HCFC1: variants seen among roughly 807,000 people sequenced by gnomAD.
The protein encoded by HCFC1 is host cell factor C1.
Under a neutral mutation model 105.5 loss-of-function variants are expected in HCFC1, and 7 were observed. The ratio of observed to expected loss-of-function variants is 0.07; its 90% CI spans 0.04 to 0.12. The LOEUF (loss-of-function observed/expected upper bound fraction) is 0.12. HCFC1 is among the 10% of genes least tolerant of loss of function. The pLI is 1.00. For missense variants in HCFC1, 1,065 were observed against 1,823.6 expected (o/e 0.58, Z 7.58); for synonymous variants, 918 against 828.1 (o/e 1.11, Z -1.86).
At chrX:153,969,819 T>C (rs1411643621) in intron 1 of HCFC1, 2 of 112,830 alleles carry the variant, frequency 1.8e-5, no homozygotes, top group African/African-American at 6.4e-5. Context: ...ACCCCCTGGA[T>C]CCGCAGAAGC....
In HCFC1 at chrX:153,960,428, G is replaced by A; in HGVS notation, c.905-14C>T. ...AGGCCATGGTATCTGGGGGAGGGCA[G>A]ACAAGGGAGGTCAGCAAGGAGGATG... On this transcript the variant is annotated splice_polypyrimidine_tract_variant and intron_variant, in intron 6 of 25. Transcript: ENST00000310441. The A allele has an allele frequency of 8.6e-7, 1 of 1,160,831 alleles. No homozygotes were observed. The highest frequency in any genetic ancestry group is 1.2e-6 in the Non-Finnish European group (1 of 863,379).
Position 153,963,352 on chromosome X carries a change from G to C in HCFC1, c.585C>G (p.Val195=), listed in dbSNP as rs372958580. 6.6e-6 allele frequency: 8 copies of C among 1,205,357 alleles called. No individual in the cohort carries two copies. The African/African-American group carries it at 1.4e-4, about 21-fold the overall frequency. Residue 195 remains valine, a synonymous_variant, in exon 4 of 26, where the codon GTC becomes GTG. Transcript: ENST00000310441. The part of the protein sequence containing the change: ...VAWDIPITYG[V]LPPPRESHTA... ...TATGTGACTCCCGGGGTGGTGGTAG[G>C]ACCCCGTAAGTGATGGGAATGTCCC...
At chrX:153,964,547 G>C in intron 2 of HCFC1, 31 bp downstream of exon 2, 2 of 1,174,970 alleles carry the variant, frequency 1.7e-6, no homozygotes, top group East Asian at 3.0e-5. Flanking sequence ...TGGGGCCAAG[G>C]AGGCAGAGTG....
chrX:153,966,559 G>A (rs782349744), intron 1 of HCFC1, among the ~76,000 whole-genome samples: 83 of 112,689 alleles, frequency 7.4e-4, no homozygotes, highest in Non-Finnish European at 1.0e-3. Flanking sequence ...CTGGAGAGCC[G>A]TCCTGACCAA....
chrX:153,961,392 G>A, intron 6 of HCFC1, 150 bp downstream of exon 6: 1 of 436,379 alleles, frequency 2.3e-6, no homozygotes, highest in Non-Finnish European at 4.0e-6. Flanking sequence ...CATTGCTTCA[G>A]AGAGCTCTGC....
At chrX:153,960,511 A>C in intron 6 of HCFC1, 97 bp from the exon 7 acceptor site, 1 of 562,135 alleles carries the variant, frequency 1.8e-6, no homozygotes, top group Non-Finnish European at 2.7e-6. Context: ...GATGGGAATT[A>C]AAATCAAGAA....
In HCFC1 at chrX:153,958,241, G is replaced by A. The variant is rs373900604; in HGVS notation, c.1812C>T (p.Asn604=). The change falls in exon 11 of 26, where the codon AAC becomes AAT. Residue 604 remains asparagine, a synonymous_variant. Coordinates refer to ENST00000310441, the MANE Select transcript of HCFC1 (RefSeq NM_005334.3). ...KVASSPVMVS[N]PATRMLKTAA... ...CAGTCTTCAGCATGCGAGTGGCAGGGTTGCTCACCTGGAGGAGGCAGAGAC... is the reference window on the plus strand; with the variant it reads ...CAGTCTTCAGCATGCGAGTGGCAGGATTGCTCACCTGGAGGAGGCAGAGAC... The A allele has an allele frequency of 3.4e-5, 41 of 1,205,410 alleles. No individual in the cohort carries two copies. In the African/African-American group the frequency reaches 5.2e-4, roughly 15 times the overall value.
Position 153,955,408 on chromosome X carries a change from G to A in HCFC1, c.2991C>T (p.Ala997=), listed in dbSNP as rs782804114. 4.0e-5 allele frequency: 49 copies of A among 1,209,947 alleles called. No homozygotes were observed. Among genetic ancestry groups the A allele is most frequent in the South Asian group, 1.2e-4 (7 of 56,756 alleles). Residue 997 remains alanine (A), a synonymous_variant, in exon 17 of 26, where the codon GCC becomes GCT. Coordinates refer to ENST00000310441, the MANE Select transcript of HCFC1 (RefSeq NM_005334.3). ...TEQPTATVTI[A]DSGQGDVQPG... ...GCTGCACATCACCCTGGCCTGAGTC[G>A]GCGATGGTAACTGTGGCGGTGGGCT... is the stretch of plus-strand genomic sequence containing the variant.
rs782259950 is a variant in HCFC1 at position 153,956,727 on chromosome X, T to C, written c.2533A>G (p.Ile845Val). The change falls in exon 15 of 26, where the codon ATC becomes GTC. Residue 845 changes from isoleucine to valine, a missense_variant. Ile to Val is a conservative substitution (Grantham distance 29). Coordinates refer to ENST00000310441, the MANE Select transcript of HCFC1 (RefSeq NM_005334.3). ...LKGAPGQPGT[I>V]LRTVPMGGVR... ...CCCCCCATGGGCACAGTGCGGAGGATGGTGCCTGGCTGTCCCGGGGCCCCC... is the reference window on the plus strand; with the variant it reads ...CCCCCCATGGGCACAGTGCGGAGGACGGTGCCTGGCTGTCCCGGGGCCCCC... 8.3e-7 allele frequency: 1 copy of C among 1,211,108 alleles called. No homozygotes were observed.
Position 153,963,228 on chromosome X carries a change from T to A in HCFC1, c.709A>T (p.Ile237Phe). ...CRLGDLWTLDIDTLTWNKPSL... is the reference protein window; with the variant it reads ...CRLGDLWTLDFDTLTWNKPSL... ...GGGGTGCTACCACCCTGCTCACCAA[T>A]ATCTAGGGTCCACAGGTCCCCCAGC... Residue 237 changes from isoleucine (I) to phenylalanine (F), a missense_variant, in exon 4 of 26, where the codon ATT becomes TTT. By Grantham distance (21) the Ile-to-Phe change is conservative (BLOSUM62 0). Around this residue, in one of 17 missense-constraint regions of HCFC1, gnomAD observed 13 missense variants for 16.0 expected, o/e 0.81. Transcript: ENST00000310441. 8.3e-7 allele frequency: 1 copy of A among 1,203,045 alleles called. No individual in the cohort carries two copies. Among genetic ancestry groups the A allele is most frequent in the Non-Finnish European group, 1.1e-6 (1 of 889,132 alleles).
At chrX:153,963,056 G>A (rs903709559) in intron 4 of HCFC1, among the ~76,000 whole-genome samples, 169 bp downstream of exon 4, 4 of 112,131 alleles carry the variant, frequency 3.6e-5, no homozygotes, top group Admixed American at 2.8e-4. Context: ...ACCTAGGGAC[G>A]ATCCAGGGTT....
rs1557113900 is a variant in HCFC1 at position 153,954,548 on chromosome X, GTGGCCGA to G, written c.3844_3850del (p.Ser1282ProfsTer2). 1 of 1,210,168 alleles carries G rather than the reference GTGGCCGA, an allele frequency of 8.3e-7. No individual in the cohort carries two copies. Among genetic ancestry groups the G allele is most frequent in the East Asian group, 3.0e-5 (1 of 33,717 alleles). On this transcript the variant is annotated frameshift_variant, in exon 17 of 26. Coordinates refer to ENST00000310441, the MANE Select transcript of HCFC1 (RefSeq NM_005334.3). LOFTEE classifies it high-confidence loss of function. ...TGGGTTGGAGCAGACTTGGGTCACG[GTGGCCGA>G]GGGGCACAGCAGTGCCTCCAGGGCT...
intron 17 of HCFC1, 73 bp from the exon 18 acceptor site, chrX:153,953,843 C>G: frequency 9.5e-7 from 1 of 1,052,114 alleles, no homozygotes; most frequent in Admixed American, 2.7e-5. Flanking sequence ...CCACCACAGG[C>G]TTCCTCTACC....
intron 4 of HCFC1, among the ~76,000 whole-genome samples, chrX:153,962,587 G>A (rs1233230963): frequency 8.9e-6 from 1 of 112,273 alleles, no homozygotes; most frequent in Non-Finnish European, 1.9e-5. Flanking sequence ...GGAGTGGTGG[G>A]CACACCCCGA....
Position 153,971,359 on chromosome X carries a change from C to T in HCFC1, c.-519G>A, listed in dbSNP as rs2065532014. 3.4e-6 allele frequency: 1 copy of T among 297,739 alleles called. No individual in the cohort carries two copies. The highest frequency in any genetic ancestry group is 4.7e-5 in the East Asian group (1 of 21,059). The allele number at this position is 297,739 out of a possible 1,213,427, so 24.5% of individuals were successfully genotyped here. ...GGCGCTCAGACCACAATTGTGGGAG[C>T]CGCCATCTTGAGACCGTCCCGCTTC... On this transcript the variant is annotated 5_prime_UTR_variant, in exon 1 of 26. Transcript: ENST00000310441.
In HCFC1 at chrX:153,954,788, C is replaced by T. The variant is rs782325660; in HGVS notation, c.3611G>A (p.Arg1204His). The change falls in exon 17 of 26, where the codon CGC becomes CAC. Residue 1204 changes from arginine to histidine, a missense_variant. By Grantham distance (29) the Arg-to-His change is conservative. Coordinates refer to ENST00000310441, the MANE Select transcript of HCFC1 (RefSeq NM_005334.3). The part of the protein sequence containing the change: ...GPSMAREPGG[R>H]SPAFVQLAPL... ...GGCCAACTGCACAAAAGCAGGGCTG[C>T]GGCCCCCGGGCTCCCGTGCCATGCT... The T allele has an allele frequency of 1.5e-5, 17 of 1,164,691 alleles. No homozygotes were observed. Among genetic ancestry groups the T allele is most frequent in the Admixed American group, 5.1e-5 (2 of 38,836 alleles).
rs199659358 is a variant in HCFC1 at position 153,948,491 on chromosome X, A to AAAAAC, written c.*851_*855dup. Reference sequence around the variant, plus strand: ...GCCAAGAAGAAAAAAGTAAAAAAACAAAAACAAAACAAAACAAAACAAAAA... The same window carrying AAAAAC: ...GCCAAGAAGAAAAAAGTAAAAAAACAAAAACAAAACAAAACAAAACAAAACAAAAA... On this transcript the variant is annotated 3_prime_UTR_variant, in exon 26 of 26. Transcript: ENST00000310441. 3 of 112,674 alleles carry AAAAAC rather than the reference A, an allele frequency of 2.7e-5. No homozygotes were observed. The highest frequency in any genetic ancestry group is 6.5e-5 in the African/African-American group (2 of 30,868). 9.3% of individuals were successfully genotyped at this position (112,674 alleles called of 1,213,427 possible).
Position 153,951,580 on chromosome X carries a change from C to A in HCFC1, c.5379+9G>T. 1 of 1,208,138 alleles carries A rather than the reference C, an allele frequency of 8.3e-7. No individual in the cohort carries two copies. The highest frequency in any genetic ancestry group is 1.1e-6 in the Non-Finnish European group (1 of 892,503). Reference sequence around the variant, plus strand: ...CACGGACTCAGGAGCCCCAACACACCCGACTCACCACACCCAGGGACTCGA... The same window carrying A: ...CACGGACTCAGGAGCCCCAACACACACGACTCACCACACCCAGGGACTCGA... On this transcript the variant is annotated intron_variant, in intron 21 of 25. Transcript: ENST00000310441.
chrX:153,970,483 G>A (rs2065518573), intron 1 of HCFC1, among the ~76,000 whole-genome samples, 165 bp downstream of exon 1: 1 of 95,081 alleles, frequency 1.1e-5, no homozygotes, highest in Non-Finnish European at 2.1e-5. Flanking sequence ...GGAGAAGGAC[G>A]GGTAAGGGAG....
Sources: gnomAD v4.1 joint callset for allele counts (sites outside exome capture counted in the v4.1 genomes callset) on GRCh38, gnomAD v4.1.1 for gene constraint, gnomAD v4.1.1 regional missense constraint, MANE v1.5 for transcripts, NCBI Gene and HGNC (gene_info 2026-07-23, HGNC 2026-07-21) for gene names.